The following APBA1 variants were observed in gnomAD, a reference collection of about 807,000 sequenced individuals.
The protein encoded by APBA1 is amyloid beta precursor protein binding family A member 1.
A neutral mutation model predicts 86.6 loss-of-function variants in APBA1; 55 were observed. The observed-to-expected ratio is 0.64, with a 90% CI of 0.51 to 0.80. APBA1 has a LOEUF of 0.80. Ranked by LOEUF, APBA1 falls within the 30% of genes least tolerant of loss-of-function variation. The pLI is 0.00. For missense variants in APBA1, 1,090 were observed against 1,183.0 expected, an observed-to-expected ratio of 0.92 and a Z score of 1.15; for synonymous variants, 511 against 493.9, an observed-to-expected ratio of 1.03 and a Z score of -0.46.
Position 69,517,063 on chromosome 9 carries a change from G to C in APBA1, c.148C>G (p.Arg50Gly). ...TCGAGGGCTCGCCCGCGCTGGTGGC[G>C]GCCCACATAGTGCTGCTGCTGCGGC... is the stretch of plus-strand genomic sequence containing the variant. ...QPPQQQHYVG[R>G]HQRGRALEDL... Residue 50 changes from arginine to glycine, a missense_variant, in exon 2 of 13, where the codon CGC (arginine) becomes GGC (glycine). Transcript: ENST00000265381. 6.3e-7 allele frequency: 1 copy of C among 1,584,124 alleles called. No homozygotes were observed.
chr9:69,666,915 A>G (rs1253216370), intron 1 of APBA1, among the ~76,000 whole-genome samples: 3 of 152,218 alleles, frequency 2.0e-5, no homozygotes, highest in Non-Finnish European at 2.9e-5. Flanking sequence ...ACTTAAAAAA[A>G]GTTTATTCAT....
chr9:69,495,140 T>C (rs192351478), intron 2 of APBA1, among the ~76,000 whole-genome samples: 11 of 152,182 alleles, frequency 7.2e-5, no homozygotes, highest in Admixed American at 6.5e-4. Flanking sequence ...CCTTACCATC[T>C]TGGACTTCCA....
chr9:69,615,739 C>A (rs1822686272), intron 1 of APBA1, among the ~76,000 whole-genome samples: 2 of 152,148 alleles, frequency 1.3e-5, no homozygotes, highest in Admixed American at 6.5e-5. Context: ...TAGACTAGAT[C>A]CTGAATTCTT....
chr9:69,670,937 C>T (rs573823329), intron 1 of APBA1, among the ~76,000 whole-genome samples: 229 of 152,222 alleles, frequency 1.5e-3, no homozygotes, highest in African/African-American at 5.4e-3. Context: ...TATCCTGTTT[C>T]CTGAGGAAAA....
At chr9:69,471,806 ATTATTGATCATTTTTAG>A (rs943792970) in intron 3 of APBA1, 111 bp from the exon 4 acceptor site, 11 of 820,690 alleles carry the variant, frequency 1.3e-5, no homozygotes, top group Non-Finnish European at 2.0e-5. Context: ...GCAGTTACCA[ATTATTGATCATTTTTAG>A]TTAGAGAAAG....
rs1337993513 is a variant in APBA1, at chr9:69,499,882, T to C, written c.1200+16129A>G. Reference sequence around the variant, plus strand: ...TACTTCTCAGGATTTTGACAATACCTCCATCTCAGCAGGAGAGTGGCTGGT... The same window carrying C: ...TACTTCTCAGGATTTTGACAATACCCCCATCTCAGCAGGAGAGTGGCTGGT... On this transcript the variant is annotated intron_variant, in intron 2 of 12. Coordinates refer to ENST00000265381, the MANE Select transcript of APBA1 (RefSeq NM_001163.4). Among the ~76,000 whole-genome samples, 3 of 152,058 alleles carry C rather than the reference T, an allele frequency of 2.0e-5. No individual in the cohort carries two copies. In the East Asian group the frequency reaches 5.8e-4, roughly 29 times the overall value.
At chr9:69,577,085 T>C (rs1821817354) in intron 1 of APBA1, among the ~76,000 whole-genome samples, 1 of 152,190 alleles carries the variant, frequency 6.6e-6, no homozygotes, top group South Asian at 2.1e-4. Context: ...TCAGGGTAAT[T>C]AGCATATCCA....
intron 1 of APBA1, among the ~76,000 whole-genome samples, chr9:69,589,632 G>A (rs1282404239): frequency 6.6e-6 from 1 of 152,126 alleles, no homozygotes. Flanking sequence ...GGTTATTGGG[G>A]TAGTCTTTAG....
At chr9:69,590,254 A>G (rs1179731591) in intron 1 of APBA1, among the ~76,000 whole-genome samples, 2 of 152,252 alleles carry the variant, frequency 1.3e-5, no homozygotes, top group Admixed American at 6.5e-5. Context: ...CCCAGGGCTT[A>G]GCCCAGTTCC....
At chr9:69,527,395 A>G (rs773087558) in intron 1 of APBA1, among the ~76,000 whole-genome samples, 2 of 152,236 alleles carry the variant, frequency 1.3e-5, no homozygotes, top group African/African-American at 2.4e-5. Context: ...TCAATTAATC[A>G]AACAACAAAA....
Position 69,546,788 on chromosome 9 carries a change from CTT to C in APBA1, c.-69-29511_-69-29510del. 1.3e-5 allele frequency among the ~76,000 whole-genome samples: 2 copies of C among 152,262 alleles called. 1 individual carries two copies. Among genetic ancestry groups the C allele is most frequent in the South Asian group, 4.1e-4 (2 of 4,828 alleles). ...TAGAGTTAAAAGATATAAACAATAA[CTT>C]AGGATCTTTAAGAGGCTGCTGAAGC... is the stretch of plus-strand genomic sequence containing the variant. On this transcript the variant is annotated intron_variant, in intron 1 of 12. Transcript: ENST00000265381.
chr9:69,541,416 T>C (rs866060371), intron 1 of APBA1, among the ~76,000 whole-genome samples: 4 of 152,212 alleles, frequency 2.6e-5, no homozygotes, highest in South Asian at 2.1e-4. Flanking sequence ...TATGAGGTGA[T>C]ATCTCATTGT....
chr9:69,520,594 G>A (rs912782602), intron 1 of APBA1, among the ~76,000 whole-genome samples: 24 of 152,094 alleles, frequency 1.6e-4, no homozygotes, highest in African/African-American at 5.3e-4. Flanking sequence ...TTTTCTCTCT[G>A]GGAAGCTCCA....
chr9:69,481,746 C>T (rs1160090668), intron 2 of APBA1, among the ~76,000 whole-genome samples: 4 of 150,528 alleles, frequency 2.7e-5, no homozygotes, highest in African/African-American at 7.3e-5. Context: ...GTAACCACAA[C>T]AGCATGGTAC....
At chr9:69,448,117 T>A (rs1025203469) in intron 10 of APBA1, among the ~76,000 whole-genome samples, 2 of 151,728 alleles carry the variant, frequency 1.3e-5, no homozygotes, top group Admixed American at 6.6e-5. Flanking sequence ...CCCCTGTCCA[T>A]CAATTCAAGC....
intron 1 of APBA1, among the ~76,000 whole-genome samples, chr9:69,578,997 G>A (rs1821861655): frequency 6.6e-6 from 1 of 152,100 alleles, no homozygotes; most frequent in African/African-American, 2.4e-5. Context: ...AGTAAAAGAG[G>A]GTTAGTGAAT....
intron 1 of APBA1, among the ~76,000 whole-genome samples, chr9:69,571,792 C>T (rs533172423): frequency 3.5e-4 from 53 of 152,124 alleles, no homozygotes; most frequent in Non-Finnish European, 6.8e-4. Context: ...AAATGTAGGC[C>T]ATTTCCCATT....
chr9:69,516,035 G>C lies in APBA1; in HGVS notation c.1176C>G (p.Asp392Glu), dbSNP rs375520741. 1 of 1,589,374 alleles carries C rather than the reference G, an allele frequency of 6.3e-7. No individual in the cohort carries two copies. The highest frequency in any genetic ancestry group is 8.6e-7 in the Non-Finnish European group (1 of 1,165,552). The change falls in exon 2 of 13, where the codon GAC becomes GAG. Residue 392 changes from aspartate to glutamate, a missense_variant. By Grantham distance (45) the Asp-to-Glu change is conservative. Coordinates refer to ENST00000265381, the MANE Select transcript of APBA1 (RefSeq NM_001163.4). This position sits in a 1 kb window ranked among gnomAD's most constrained non-coding sequence, Gnocchi z 7.3. Reference sequence around the variant, plus strand: ...CATCTCCGTCCATCGGCCTCTGGTCGTCACAGTCCCTGGTGGGGCTAATGT... The same window carrying C: ...CATCTCCGTCCATCGGCCTCTGGTCCTCACAGTCCCTGGTGGGGCTAATGT... ...RQDISPTRDC[D>E]DQRPMDGDSP... is the part of the protein sequence containing the mutation.
chr9:69,516,753 T>G lies in APBA1; in HGVS notation c.458A>C (p.His153Pro). The change falls in exon 2 of 13, where the codon CAC (histidine) becomes CCC (proline). Residue 153 changes from histidine (H) to proline (P), a missense_variant. Physicochemically the swap from His to Pro is moderately conservative, Grantham distance 77 (BLOSUM62 -2). Transcript: ENST00000265381. This position sits in a 1 kb window ranked among gnomAD's most constrained non-coding sequence, Gnocchi z 7.3. ...RRALPNHLHF[H>P]SLEHEEAMNA... ...CATGGCTTCCTCGTGCTCCAGCGAG[T>G]GGAAGTGCAGGTGGTTGGGCAGCGC... 2 of 1,611,768 alleles carry G rather than the reference T, an allele frequency of 1.2e-6. No individual in the cohort carries two copies. The highest frequency in any genetic ancestry group is 1.7e-6 in the Non-Finnish European group (2 of 1,179,378).
Sources: gnomAD v4.1 joint callset for allele counts (sites outside exome capture counted in the v4.1 genomes callset) on GRCh38, gnomAD v4.1.1 for gene constraint, Gnocchi (gnomAD v3.1) non-coding constraint, MANE v1.5 for transcripts, NCBI Gene and HGNC (gene_info 2026-07-23, HGNC 2026-07-21) for gene names.